The following NEDD4L variants were observed in gnomAD, a reference collection of about 807,000 sequenced individuals.
The protein encoded by NEDD4L is E3 ubiquitin-protein ligase NEDD4-like.
NEDD4L carries 54 observed loss-of-function variants against 148.9 expected under a neutral mutation model. The observed-to-expected ratio is 0.36, with a 90% CI of 0.29 to 0.45. The LOEUF (loss-of-function observed/expected upper bound fraction) is 0.45, where lower values mean the gene tolerates loss of function less well. NEDD4L is among the 20% of genes least tolerant of loss of function. The pLI is 1.00. For synonymous variants in NEDD4L, 433 were observed against 440.7 expected (o/e 0.98, Z 0.22); for missense variants, 856 against 1,233.8 (o/e 0.69, Z 4.59).
In NEDD4L at chr18:58,044,537, G is replaced by A. The variant is rs1178023602; in HGVS notation, c.-124G>A. ...CCTGCCGGCGCCCGGCCGCTTACCC[G>A]GCAGGGCGTGCGCAGGGTAGGGTGC... On this transcript the variant is annotated 5_prime_UTR_variant, in exon 1 of 31. Transcript: ENST00000400345. 2 of 1,246,006 alleles carry A rather than the reference G, an allele frequency of 1.6e-6. No individual in the cohort carries two copies. The highest frequency in any genetic ancestry group is 6.4e-5 in the East Asian group (2 of 31,430). 77.2% of individuals were successfully genotyped at this position (1,246,006 alleles called of 1,614,324 possible). A position where few individuals can be genotyped will look rare whatever the true frequency, so the allele number is the denominator to read the frequency against.
At chr18:58,144,048 G>A (rs1817442564) in intron 1 of NEDD4L, among the ~76,000 whole-genome samples, 1 of 150,814 alleles carries the variant, frequency 6.6e-6, no homozygotes, top group Admixed American at 6.6e-5. Flanking sequence ...GTTTTCTTTG[G>A]CCAAGACAGA....
At chr18:58,361,278 T>A (rs978801775) in intron 19 of NEDD4L, among the ~76,000 whole-genome samples, 1 of 152,176 alleles carries the variant, frequency 6.6e-6, no homozygotes, top group Non-Finnish European at 1.5e-5. Flanking sequence ...TTTCTACATA[T>A]TTTTAGGGAG....
chr18:58,065,501 T>C (rs942683386), intron 1 of NEDD4L, among the ~76,000 whole-genome samples: 4 of 152,240 alleles, frequency 2.6e-5, no homozygotes, highest in Non-Finnish European at 5.9e-5. Flanking sequence ...TTGCTTTTCT[T>C]AGCCAGTGAT....
intron 9 of NEDD4L, 44 bp downstream of exon 9, chr18:58,325,206 A>T: frequency 6.3e-7 from 1 of 1,598,902 alleles, no homozygotes; most frequent in Non-Finnish European, 8.6e-7. Flanking sequence ...CGTGCACTGC[A>T]CAGCTAGGGA....
chr18:58,108,308 G>A (rs1415585496), intron 1 of NEDD4L, among the ~76,000 whole-genome samples: 1 of 152,156 alleles, frequency 6.6e-6, no homozygotes, highest in Non-Finnish European at 1.5e-5. Flanking sequence ...CCTAAAAGTA[G>A]CTTTTAACTC....
At chr18:58,286,356 C>T (rs1283963837) in intron 5 of NEDD4L, among the ~76,000 whole-genome samples, 1 of 152,118 alleles carries the variant, frequency 6.6e-6, no homozygotes, top group African/African-American at 2.4e-5. Flanking sequence ...GCTAACTGGA[C>T]ATTGGAAAAA....
At chr18:58,374,772 A>G (rs2047341925) in intron 24 of NEDD4L, among the ~76,000 whole-genome samples, 1 of 151,996 alleles carries the variant, frequency 6.6e-6, no homozygotes, top group African/African-American at 2.4e-5. Flanking sequence ...CTGGAAGTGC[A>G]TGCTCCTCTG....
intron 5 of NEDD4L, among the ~76,000 whole-genome samples, chr18:58,265,997 T>C (rs1189964249): frequency 6.6e-6 from 1 of 152,106 alleles, no homozygotes; most frequent in South Asian, 2.1e-4. Flanking sequence ...ATGACATTTA[T>C]GTAAGAAAAA....
chr18:58,245,576 C>CATAAT, intron 3 of NEDD4L, 68 bp downstream of exon 3: 4 of 779,552 alleles, frequency 5.1e-6, no homozygotes, highest in African/African-American at 1.7e-5. Context: ...CAGTCATGTG[C>CATAAT]TGCTTAACAC....
intron 20 of NEDD4L, among the ~76,000 whole-genome samples, chr18:58,364,748 A>G (rs899833664): frequency 2.0e-5 from 3 of 152,262 alleles, no homozygotes; most frequent in African/African-American, 4.8e-5. Flanking sequence ...AGTTTCAACT[A>G]CAGTATTTAT....
chr18:58,057,543 A>G (rs1185188131), intron 1 of NEDD4L, among the ~76,000 whole-genome samples: 1 of 152,116 alleles, frequency 6.6e-6, no homozygotes, highest in Non-Finnish European at 1.5e-5. Context: ...GCACTGGCAA[A>G]GCTCCTTTTC....
chr18:58,315,868 C>A, intron 5 of NEDD4L, 114 bp from the exon 6 acceptor site: 2 of 949,088 alleles, frequency 2.1e-6, no homozygotes, highest in Non-Finnish European at 3.5e-6. Context: ...CCGCCCTCCA[C>A]ATTCCAGTGC....
At chr18:58,188,741 A>G (rs749152188) in intron 2 of NEDD4L, among the ~76,000 whole-genome samples, 1 of 152,254 alleles carries the variant, frequency 6.6e-6, no homozygotes, top group Non-Finnish European at 1.5e-5. Flanking sequence ...AGCTAAGCAG[A>G]TGCATATTAA....
rs1169360689 is a variant in NEDD4L, at chr18:58,328,989, G to T, written c.681-6G>T. On this transcript the variant is annotated splice_polypyrimidine_tract_variant and splice_region_variant and intron_variant, in intron 9 of 30. Transcript: ENST00000400345. ...TCTTCTCTTTCCCCCTTTCCTGCAT[G>T]CTCAGGGACGTGTCCTCGGAGTCGG... The T allele has an allele frequency of 6.2e-7, 1 of 1,613,934 alleles. No homozygotes were observed. Among genetic ancestry groups the T allele is most frequent in the Admixed American group, 1.7e-5 (1 of 60,026 alleles).
At position 58,129,826 on chromosome 18, in the gene NEDD4L, A is replaced by G. The variant is rs1025097694; in HGVS notation, c.49-35962A>G. Among the ~76,000 whole-genome samples, 4 of 146,714 alleles carry G rather than the reference A, an allele frequency of 2.7e-5. No homozygotes were observed. In the Admixed American group the frequency reaches 2.7e-4, roughly 10 times the overall value. ...GTTGGGGTTTGGTTGACTGTGATCT[A>G]GTGGAACTGTGGTGGTGTTGGGCTC... On this transcript the variant is annotated intron_variant, in intron 1 of 30. Transcript: ENST00000400345.
intron 16 of NEDD4L, among the ~76,000 whole-genome samples, chr18:58,343,717 A>G (rs2042715334): frequency 6.6e-6 from 1 of 152,242 alleles, no homozygotes; most frequent in Admixed American, 6.5e-5. Context: ...ATTGTACCCA[A>G]GAAAGAATCT....
intron 5 of NEDD4L, among the ~76,000 whole-genome samples, chr18:58,294,808 C>T (rs2055322254): frequency 6.6e-6 from 1 of 151,912 alleles, no homozygotes; most frequent in South Asian, 2.1e-4. Flanking sequence ...AAGTTTTTTT[C>T]ACATTATATA....
rs2048499516 is a variant in NEDD4L, at chr18:58,256,078, G to A, written c.297+4024G>A. 12 of 1,228,286 alleles carry A rather than the reference G, an allele frequency of 9.8e-6. No individual in the cohort carries two copies. Among genetic ancestry groups the A allele is most frequent in the South Asian group, 4.1e-5 (1 of 24,300 alleles). The allele number at this position is 1,228,286 out of a possible 1,614,324, so 76.1% of individuals were successfully genotyped here. A position where few individuals can be genotyped will look rare whatever the true frequency, so the allele number is the denominator to read the frequency against. ...CCCAGAGTGGCTCCCGGGAGCCCTC[G>A]CCGAGGGACACCCCCGGGAGCTCCC... On this transcript the variant is annotated intron_variant, in intron 5 of 30. Transcript: ENST00000400345. This position sits in a 1 kb window ranked among gnomAD's most constrained non-coding sequence, Gnocchi z 5.2.
intron 5 of NEDD4L, among the ~76,000 whole-genome samples, chr18:58,310,615 T>C (rs2057575006): frequency 6.6e-6 from 1 of 152,216 alleles, no homozygotes. Flanking sequence ...ACGCCCAGCG[T>C]GGGTGGAACC....
Sources: allele counts gnomAD v4.1 joint callset (sites outside exome capture counted in the v4.1 genomes callset), GRCh38; gene constraint gnomAD v4.1.1; non-coding constraint Gnocchi (gnomAD v3.1); transcripts MANE v1.5; gene names NCBI Gene and HGNC (gene_info 2026-07-23, HGNC 2026-07-21).